The following DNAH7 variants were observed in gnomAD, a reference collection of about 807,000 sequenced individuals.
DNAH7 encodes the protein axonemal beta dynein heavy chain 7.
In DNAH7, 397 loss-of-function variants were observed where a neutral mutation model predicts 444.6. That is an observed-to-expected ratio of 0.89 (90% confidence interval 0.82 to 0.97). The LOEUF is 0.97. Ranked by LOEUF, DNAH7 falls within the 50% of genes least tolerant of loss-of-function variation. The pLI, the probability that DNAH7 is intolerant of heterozygous loss-of-function variation, is 0.00. For synonymous variants in DNAH7, 1,636 were observed against 1,624.4 expected (o/e 1.01, Z -0.17); for missense variants, 4,902 against 4,800.8 (o/e 1.02, Z -0.62).
intron 23 of DNAH7, 86 bp downstream of exon 23, chr2:195,923,509 C>T: frequency 7.8e-7 from 1 of 1,288,290 alleles, no homozygotes; most frequent in Non-Finnish European, 1.1e-6. Flanking sequence ...ATTACTGCTA[C>T]TATTTCCCAT....
At chr2:196,041,263 C>A (rs182349093) in intron 5 of DNAH7, among the ~76,000 whole-genome samples, 322 of 151,532 alleles carry the variant, frequency 2.1e-3, no homozygotes, top group African/African-American at 7.1e-3. Flanking sequence ...ACAACAACAA[C>A]AACAAAAAGA....
At chr2:195,756,011 G>C (rs1022124151) in intron 62 of DNAH7, 122 bp downstream of exon 62, 5 of 956,910 alleles carry the variant, frequency 5.2e-6, no homozygotes, top group Non-Finnish European at 7.6e-6. Flanking sequence ...ATTAAGTAGT[G>C]GTGATTTGTG....
chr2:196,030,429 C>T (rs528464611), intron 5 of DNAH7, among the ~76,000 whole-genome samples: 1 of 152,244 alleles, frequency 6.6e-6, no homozygotes, highest in South Asian at 2.1e-4. Flanking sequence ...ACCCCTGGCC[C>T]CTCCAAATCT....
rs547124466 is a variant in DNAH7 at position 195,792,199 on chromosome 2, A to T, written c.10716+2139T>A. On this transcript the variant is annotated intron_variant, in intron 57 of 64. Transcript: ENST00000312428. ...AAAAAAAAAAAAAAAGGAACAATAG[A>T]TACTGGAGACTACTAAGGGGAAAGG... 5.2e-3 allele frequency among the ~76,000 whole-genome samples: 773 copies of T among 148,786 alleles called. 7 individuals are homozygous for T. The highest frequency in any genetic ancestry group is 8.9e-3 in the Non-Finnish European group (598 of 67,194).
chr2:195,769,362 C>T (rs1694733559), intron 61 of DNAH7, among the ~76,000 whole-genome samples: 1 of 150,764 alleles, frequency 6.6e-6, no homozygotes. Context: ...TGCACTAGGC[C>T]AGCAACTCCA....
chr2:195,766,123 TAA>T (rs1406009742), intron 61 of DNAH7, among the ~76,000 whole-genome samples: 1 of 150,394 alleles, frequency 6.6e-6, no homozygotes, highest in African/African-American at 2.4e-5. Flanking sequence ...AGCCAGGCAC[TAA>T]AGGACAAACT....
chr2:195,988,408 T>G (rs1465960163), intron 12 of DNAH7, among the ~76,000 whole-genome samples, 179 bp from the exon 13 acceptor site: 1 of 152,136 alleles, frequency 6.6e-6, no homozygotes, highest in African/African-American at 2.4e-5. Flanking sequence ...GTTTTAAAAT[T>G]TAGGTTCATA....
At chr2:195,765,975 G>A (rs904538531) in intron 61 of DNAH7, among the ~76,000 whole-genome samples, 6 of 151,930 alleles carry the variant, frequency 3.9e-5, no homozygotes, top group Non-Finnish European at 8.8e-5. Context: ...AAAGCAACCT[G>A]TGTCCATCAA....
At chr2:196,048,445 GA>G (rs1559368930) in intron 3 of DNAH7, 41 bp from the exon 4 acceptor site, 11 of 1,557,100 alleles carry the variant, frequency 7.1e-6, no homozygotes, top group Non-Finnish European at 6.2e-6. Flanking sequence ...AACAATATCA[GA>G]AAAAAACCTT....
intron 12 of DNAH7, among the ~76,000 whole-genome samples, chr2:195,988,527 GC>G (rs1666708261): frequency 1.3e-5 from 2 of 151,990 alleles, no homozygotes; most frequent in Non-Finnish European, 2.9e-5. Context: ...ATAAAAAACA[GC>G]AAGATATACA....
chr2:195,820,179 G>GT (rs1049287731), intron 49 of DNAH7, among the ~76,000 whole-genome samples: 2 of 152,022 alleles, frequency 1.3e-5, no homozygotes, highest in African/African-American at 2.4e-5. Flanking sequence ...AGAAATACTT[G>GT]TTTTTTAACA....
chr2:195,863,157 T>A (rs1700120546), intron 41 of DNAH7, among the ~76,000 whole-genome samples: 1 of 152,278 alleles, frequency 6.6e-6, no homozygotes, highest in Non-Finnish European at 1.5e-5. Flanking sequence ...CTTGTCTATT[T>A]CATGTGCTTC....
At chr2:195,765,702 G>T (rs1183568246) in intron 61 of DNAH7, among the ~76,000 whole-genome samples, 9 of 152,060 alleles carry the variant, frequency 5.9e-5, no homozygotes. Context: ...AGTTAAAATG[G>T]CTTATATCCA....
At chr2:195,757,470 C>G (rs1694134483) in intron 61 of DNAH7, among the ~76,000 whole-genome samples, 1 of 152,118 alleles carries the variant, frequency 6.6e-6, no homozygotes, top group African/African-American at 2.4e-5. Flanking sequence ...TCTGTCTTTT[C>G]TATAGTTGAA....
At chr2:196,041,325 T>C (rs1374743594) in intron 5 of DNAH7, among the ~76,000 whole-genome samples, 1 of 151,956 alleles carries the variant, frequency 6.6e-6, no homozygotes, top group African/African-American at 2.4e-5. Context: ...TACAAAGCTA[T>C]AGTAACCAAA....
chr2:195,880,237 G>A (rs1453769257), intron 36 of DNAH7, among the ~76,000 whole-genome samples: 2 of 151,606 alleles, frequency 1.3e-5, no homozygotes, highest in Admixed American at 6.6e-5. Flanking sequence ...CCATGTCCAG[G>A]AATCTTAGGA....
chr2:195,777,897 C>T lies in DNAH7; in HGVS notation c.10967G>A (p.Arg3656His), dbSNP rs200673622. 1.4e-4 allele frequency: 231 copies of T among 1,614,172 alleles called. No individual in the cohort carries two copies. The highest frequency in any genetic ancestry group is 3.5e-4 in the Admixed American group (21 of 60,028). The change falls in exon 59 of 65, where the codon CGC becomes CAC. Residue 3656 changes from arginine (R) to histidine (H), a missense_variant. Transcript: ENST00000312428. Reference sequence around the variant, plus strand: ...ATTGAAGAATTTGTTTAGAATGCTGCGCAGCGTGCGCCGGTCCCAGTCATC... The same window carrying T: ...ATTGAAGAATTTGTTTAGAATGCTGTGCAGCGTGCGCCGGTCCCAGTCATC... ...VTDDWDRRTL[R>H]SILNKFFNPE...
At chr2:195,888,751 T>C (rs768167539) in intron 32 of DNAH7, 48 bp downstream of exon 32, 2 of 1,557,820 alleles carry the variant, frequency 1.3e-6, no homozygotes, top group Non-Finnish European at 1.7e-6. Context: ...ATACATGCAT[T>C]TATAACATTT....
At chr2:195,958,949 G>A (rs1464947775) in intron 18 of DNAH7, among the ~76,000 whole-genome samples, 1 of 152,134 alleles carries the variant, frequency 6.6e-6, no homozygotes, top group African/African-American at 2.4e-5. Flanking sequence ...TAGTCATAAG[G>A]AAGAATGATT....
Sources: gnomAD v4.1 joint callset for allele counts (sites outside exome capture counted in the v4.1 genomes callset) on GRCh38, gnomAD v4.1.1 for gene constraint, MANE v1.5 for transcripts, NCBI Gene and HGNC (gene_info 2026-07-23, HGNC 2026-07-21) for gene names.